Variants in SNAP23 observed in about 807,000 individuals in gnomAD.
SNAP23 encodes the protein synaptosomal-associated protein 23.
SNAP23 carries 11 observed loss-of-function variants against 29.0 expected under a neutral mutation model. The ratio of observed to expected loss-of-function variants is 0.38; its 90% CI spans 0.24 to 0.63. The LOEUF (loss-of-function observed/expected upper bound fraction) is 0.63. Among genes scored for constraint, SNAP23 ranks in the 20% least tolerant of loss-of-function variants. The probability of loss-of-function intolerance (pLI) is 0.58; values close to 1 mark genes in which losing one functional copy is unlikely to be tolerated. For missense variants in SNAP23, 220 were observed against 253.9 expected (o/e 0.87, Z 0.91); for synonymous variants, 60 against 82.9 (o/e 0.72, Z 1.50).
chr15:42,511,950 A>G lies in SNAP23; in HGVS notation c.57+47A>G, dbSNP rs140830704. 3.2e-4 allele frequency: 431 copies of G among 1,341,704 alleles called. No individual in the cohort carries two copies. In the African/African-American group the frequency reaches 5.7e-3, roughly 18 times the overall value. The allele number at this position is 1,341,704 out of a possible 1,614,324, so 83.1% of individuals were successfully genotyped here. A position where few individuals can be genotyped will look rare whatever the true frequency, so the allele number is the denominator to read the frequency against. On this transcript the variant is annotated intron_variant, in intron 2 of 7. Coordinates refer to ENST00000249647, the MANE Select transcript of SNAP23 (RefSeq NM_003825.4). Reference sequence around the variant, plus strand: ...AGTAAATAATTCTATTTCAGTTTTCATATTGGAGGAGTGAGAGAGCCTTCT... The same window carrying G: ...AGTAAATAATTCTATTTCAGTTTTCGTATTGGAGGAGTGAGAGAGCCTTCT...
At chr15:42,493,303 C>A (rs930410915), upstream of SNAP23, among the ~76,000 whole-genome samples, 1 of 152,060 alleles carries the variant, frequency 6.6e-6, no homozygotes, top group South Asian at 2.1e-4. Context: ...CACACCATTG[C>A]ACTCCAGCCT....
rs1212621062 is a variant in SNAP23 at position 42,531,722 on chromosome 15, T to C, written c.*244T>C. 1.2e-5 allele frequency: 4 copies of C among 345,810 alleles called. No homozygotes were observed. The highest frequency in any genetic ancestry group is 2.1e-5 in the Non-Finnish European group (4 of 192,150). 21.4% of individuals were successfully genotyped at this position (345,810 alleles called of 1,614,324 possible). ...CGCTTAGATTGGTTTTCATATGTCATGTTTAGTGTTTTCATCCTCCTCATA... is the reference window on the plus strand; with the variant it reads ...CGCTTAGATTGGTTTTCATATGTCACGTTTAGTGTTTTCATCCTCCTCATA... On this transcript the variant is annotated 3_prime_UTR_variant, in exon 8 of 8. Transcript: ENST00000249647.
chr15:42,531,333 T>G, intron 7 of SNAP23, 80 bp from the exon 8 acceptor site: 1 of 875,982 alleles, frequency 1.1e-6, no homozygotes, highest in Non-Finnish European at 1.7e-6. Flanking sequence ...TCTTGGTGTG[T>G]CAGTTACTCC....
At chr15:42,502,519 C>CTACCTAAA (rs2057281302) in intron 1 of SNAP23, among the ~76,000 whole-genome samples, 1 of 151,568 alleles carries the variant, frequency 6.6e-6, no homozygotes, top group Non-Finnish European at 1.5e-5. Context: ...CTATATCTAC[C>CTACCTAAA]TAAATAAATA....
At chr15:42,514,992 T>C (rs1485872473) in intron 4 of SNAP23, among the ~76,000 whole-genome samples, 2 of 152,142 alleles carry the variant, frequency 1.3e-5, no homozygotes, top group African/African-American at 4.8e-5. Context: ...TGAGCCACCA[T>C]ACCCAGCCAT....
At chr15:42,503,095 T>C (rs1288557380) in intron 1 of SNAP23, among the ~76,000 whole-genome samples, 1 of 152,188 alleles carries the variant, frequency 6.6e-6, no homozygotes. Context: ...GGTTTTCTTT[T>C]TGGTTCCTGA....
chr15:42,495,572 C>T (rs748016540), upstream of SNAP23: 20 of 152,286 alleles, frequency 1.3e-4, no homozygotes, highest in Non-Finnish European at 2.8e-4. Flanking sequence ...GCTCCAGCTG[C>T]AGGGGTGTGT....
At chr15:42,518,950 C>T (rs1294825519) in intron 5 of SNAP23, among the ~76,000 whole-genome samples, 4 of 152,100 alleles carry the variant, frequency 2.6e-5, no homozygotes, top group Non-Finnish European at 4.4e-5. Flanking sequence ...GCAGCCTCGA[C>T]CTCCTAGGTT....
chr15:42,510,160 G>A (rs1328054349), intron 1 of SNAP23, among the ~76,000 whole-genome samples: 3 of 152,052 alleles, frequency 2.0e-5, no homozygotes, highest in Non-Finnish European at 4.4e-5. Context: ...TTTTGAGATA[G>A]GGTCTTGCTC....
chr15:42,509,462 T>G (rs2057342263), intron 1 of SNAP23, among the ~76,000 whole-genome samples: 1 of 148,716 alleles, frequency 6.7e-6, no homozygotes, highest in African/African-American at 2.5e-5. Context: ...TTTTTTGAGA[T>G]GGAGTCTCGC....
chr15:42,529,525 A>G, intron 6 of SNAP23, 150 bp from the exon 7 acceptor site: 3 of 729,822 alleles, frequency 4.1e-6, no homozygotes, highest in South Asian at 1.9e-5. Flanking sequence ...AGTTTTTATT[A>G]TAGAATGTTT....
At chr15:42,503,822 A>G (rs2057295837) in intron 1 of SNAP23, among the ~76,000 whole-genome samples, 1 of 152,298 alleles carries the variant, frequency 6.6e-6, no homozygotes, top group African/African-American at 2.4e-5. Context: ...GCTGTTTAGT[A>G]GATACGATTC....
chr15:42,516,219 C>T (rs1250997819), intron 5 of SNAP23, among the ~76,000 whole-genome samples: 1 of 152,152 alleles, frequency 6.6e-6, no homozygotes, highest in African/African-American at 2.4e-5. Context: ...GGCTGGAATG[C>T]AGTGGCGTGA....
At chr15:42,508,731 CT>C (rs1057197696) in intron 1 of SNAP23, among the ~76,000 whole-genome samples, 1 of 151,096 alleles carries the variant, frequency 6.6e-6, no homozygotes, top group Admixed American at 6.6e-5. Context: ...TGGAGTTTTG[CT>C]TTTTTTTTCC....
intron 5 of SNAP23, among the ~76,000 whole-genome samples, chr15:42,518,208 T>A (rs545786574): frequency 6.6e-6 from 1 of 152,316 alleles, no homozygotes; most frequent in African/African-American, 2.4e-5. Context: ...TCCTCAGCTC[T>A]GTTCCTATCA....
In SNAP23 at chr15:42,531,620, C is replaced by T; in HGVS notation, c.*142C>T. The stretch of plus-strand genomic sequence containing the variant: ...GAAGAAGGGCCAGAGCAGTTACAGC[C>T]CTCCTTCTTTTTTGTTTTCTGTTGA... On this transcript the variant is annotated 3_prime_UTR_variant, in exon 8 of 8. Coordinates refer to ENST00000249647, the MANE Select transcript of SNAP23 (RefSeq NM_003825.4). 1.8e-6 allele frequency: 1 copy of T among 545,592 alleles called. No homozygotes were observed. Among genetic ancestry groups the T allele is most frequent in the Non-Finnish European group, 3.1e-6 (1 of 318,070 alleles). The allele number at this position is 545,592 out of a possible 1,614,324, so 33.8% of individuals were successfully genotyped here.
chr15:42,515,819 A>C (rs746678557), intron 5 of SNAP23, among the ~76,000 whole-genome samples: 3 of 152,346 alleles, frequency 2.0e-5, no homozygotes, highest in Admixed American at 6.5e-5. Context: ...ATCTAATGTT[A>C]GATTATATGA....
chr15:42,513,912 C>T (rs1419686667), intron 4 of SNAP23, among the ~76,000 whole-genome samples: 1 of 152,092 alleles, frequency 6.6e-6, no homozygotes, highest in African/African-American at 2.4e-5. Context: ...CTCCTGGGTT[C>T]AAGTGATTCT....
intron 1 of SNAP23, among the ~76,000 whole-genome samples, chr15:42,499,155 A>C (rs1339854672): frequency 1.4e-5 from 2 of 148,060 alleles, no homozygotes; most frequent in East Asian, 3.9e-4. Context: ...CTCAATCTCC[A>C]CCTCCCGGGT....
Sources: gnomAD v4.1 joint callset for allele counts (sites outside exome capture counted in the v4.1 genomes callset) on GRCh38, gnomAD v4.1.1 for gene constraint, MANE v1.5 for transcripts, NCBI Gene and HGNC (gene_info 2026-07-23, HGNC 2026-07-21) for gene names.